The following FARP1 variants were observed in gnomAD, a reference collection of about 807,000 sequenced individuals.
The protein encoded by FARP1 is FERM, ARHGEF and pleckstrin domain-containing protein 1.
Under a neutral mutation model 128.8 loss-of-function variants are expected in FARP1, and 52 were observed. That is an observed-to-expected ratio of 0.40 (90% CI 0.32 to 0.51). FARP1 has a LOEUF of 0.51. Among genes scored for constraint, FARP1 ranks in the 20% least tolerant of loss-of-function variants. The pLI is 0.45. For synonymous variants in FARP1, 580 were observed against 551.8 expected (o/e 1.05, Z -0.72); for missense variants, 1,333 against 1,367.9 (o/e 0.97, Z 0.40).
In FARP1 at chr13:98,309,105, T is replaced by G. The variant is rs193177416; in HGVS notation, c.172-34657T>G. Reference sequence around the variant, plus strand: ...TTAATATGTTAAAGTGATAATATTTTGGACCTATTAGATTACATAAAATAT... The same window carrying G: ...TTAATATGTTAAAGTGATAATATTTGGGACCTATTAGATTACATAAAATAT... On this transcript the variant is annotated intron_variant, in intron 2 of 26. Transcript: ENST00000319562. 7.7e-4 allele frequency among the ~76,000 whole-genome samples: 116 copies of G among 151,314 alleles called. 2 individuals are homozygous for G. Among genetic ancestry groups the G allele is most frequent in the South Asian group, 2.7e-3 (13 of 4,798 alleles).
chr13:98,422,189 T>A (rs1241190361), intron 16 of FARP1, among the ~76,000 whole-genome samples: 2 of 151,236 alleles, frequency 1.3e-5, no homozygotes, highest in African/African-American at 2.4e-5. Context: ...AATGAGGGAG[T>A]CTGGAGAGGA....
At chr13:98,434,574 G>A (rs1892180234) in intron 18 of FARP1, 1 of 152,224 alleles carries the variant, frequency 6.6e-6, no homozygotes, top group Admixed American at 6.5e-5. Context: ...CTCAGCCGCT[G>A]GGGACTTGAG....
At chr13:98,435,235 GA>G (rs1339113764) in intron 18 of FARP1, among the ~76,000 whole-genome samples, 1 of 152,044 alleles carries the variant, frequency 6.6e-6, no homozygotes, top group Non-Finnish European at 1.5e-5. Flanking sequence ...TAACAGGAGG[GA>G]AAAGAAAAGT....
chr13:98,373,611 G>A (rs1889456481), intron 5 of FARP1, among the ~76,000 whole-genome samples: 1 of 151,312 alleles, frequency 6.6e-6, no homozygotes, highest in Non-Finnish European at 1.5e-5. Flanking sequence ...GAGACAGAAG[G>A]GTAGAGCAAG....
At chr13:98,350,139 A>T (rs1251173903) in intron 3 of FARP1, among the ~76,000 whole-genome samples, 1 of 152,092 alleles carries the variant, frequency 6.6e-6, no homozygotes, top group Non-Finnish European at 1.5e-5. Context: ...GCGGGGCAGC[A>T]CCATCTAATG....
chr13:98,286,790 T>C (rs1885191263), intron 2 of FARP1, among the ~76,000 whole-genome samples: 2 of 152,190 alleles, frequency 1.3e-5, no homozygotes, highest in African/African-American at 4.8e-5. Flanking sequence ...CACTTCTTCT[T>C]GTTGTTGTTT....
intron 19 of FARP1, 82 bp from the exon 20 acceptor site, chr13:98,438,722 A>G: frequency 1.8e-6 from 2 of 1,107,320 alleles, no homozygotes; most frequent in South Asian, 1.3e-5. Context: ...CTACAAATTT[A>G]GCCCTCGGGG....
chr13:98,446,721 C>CT lies in FARP1; in HGVS notation c.2961dup (p.Glu988Ter). On this transcript the variant is annotated frameshift_variant, in exon 26 of 27. Coordinates refer to ENST00000319562, the MANE Select transcript of FARP1 (RefSeq NM_005766.4). LOFTEE classifies it high-confidence loss of function. ...CTCGGCTACTCGCTCACCATCCCCTCTGAGTCCGAGAACATCCAGAAAGAC... is the reference window on the plus strand; with the variant it reads ...CTCGGCTACTCGCTCACCATCCCCTCTTGAGTCCGAGAACATCCAGAAAGAC... 3 of 1,614,214 alleles carry CT rather than the reference C, an allele frequency of 1.9e-6. No individual in the cohort carries two copies. Among genetic ancestry groups the CT allele is most frequent in the South Asian group, 1.1e-5 (1 of 91,088 alleles).
rs60259286 is a variant in FARP1 at position 98,450,039 on chromosome 13, ATGAT to A, written c.*1732_*1735del. On this transcript the variant is annotated 3_prime_UTR_variant, in exon 27 of 27. Transcript: ENST00000319562. ...AGTCTCCTCAGCTATTTATTTCTGAATGATTGATTGATTCCAAACTACTTGCTGG... is the reference window on the plus strand; with the variant it reads ...AGTCTCCTCAGCTATTTATTTCTGAATGATTGATTCCAAACTACTTGCTGG... 39,314 of 151,914 alleles carry A rather than the reference ATGAT, an allele frequency of 0.26. 5,182 individuals carry two copies. Among genetic ancestry groups the A allele is most frequent in the Non-Finnish European group, 0.3 (20,134 of 67,864 alleles). The allele number at this position is 151,914 out of a possible 1,614,324, so 9.4% of individuals were successfully genotyped here.
intron 2 of FARP1, among the ~76,000 whole-genome samples, chr13:98,254,146 G>A (rs1369943466): frequency 2.6e-5 from 4 of 152,158 alleles, no homozygotes; most frequent in African/African-American, 9.7e-5. Flanking sequence ...TAGTGTGTGG[G>A]TGTCCCTGAA....
intron 2 of FARP1, among the ~76,000 whole-genome samples, chr13:98,302,464 G>C (rs1388911234): frequency 6.6e-6 from 1 of 152,054 alleles, no homozygotes; most frequent in East Asian, 1.9e-4. Context: ...TCCCTGTCCG[G>C]GGCAGATCAG....
chr13:98,303,943 A>C (rs1886025297), intron 2 of FARP1, among the ~76,000 whole-genome samples: 1 of 152,214 alleles, frequency 6.6e-6, no homozygotes, highest in Admixed American at 6.5e-5. Flanking sequence ...TCCATTCATC[A>C]GAGTTCACTC....
intron 19 of FARP1, among the ~76,000 whole-genome samples, chr13:98,438,155 A>G (rs190909340): frequency 1.1e-4 from 17 of 152,160 alleles, no homozygotes; most frequent in Middle Eastern, 3.4e-3. Flanking sequence ...TGCCCTCAAG[A>G]GTGTACAGCC....
intron 20 of FARP1, 69 bp from the exon 21 acceptor site, chr13:98,439,038 C>G (rs894878440): frequency 7.0e-7 from 1 of 1,427,898 alleles, no homozygotes; most frequent in Non-Finnish European, 9.8e-7. Context: ...CAGTTGAGGA[C>G]AGGGAATGCT....
intron 1 of FARP1, among the ~76,000 whole-genome samples, chr13:98,153,330 A>ATAAAATACATAAATAATATATATT (rs71120310): frequency 7.7e-6 from 1 of 130,218 alleles, no homozygotes; most frequent in Admixed American, 9.4e-5. Flanking sequence ...TAAATAATAT[A>ATAAAATACATAAATAATATATATT]ATATATAAAA....
intron 17 of FARP1, 59 bp from the exon 18 acceptor site, chr13:98,430,984 A>G (rs1594527901): frequency 9.2e-7 from 1 of 1,084,726 alleles, no homozygotes; most frequent in East Asian, 2.4e-5. Flanking sequence ...GAAACTGGGC[A>G]GAACACAGGT....
At chr13:98,341,535 G>A (rs1887974995) in intron 2 of FARP1, among the ~76,000 whole-genome samples, 1 of 152,176 alleles carries the variant, frequency 6.6e-6, no homozygotes, top group African/African-American at 2.4e-5. Context: ...GGGAAGCTGA[G>A]GCAGGAGAAT....
At position 98,213,378 on chromosome 13, in the gene FARP1, A is replaced by T; in HGVS notation, c.136A>T (p.Met46Leu). Reference sequence around the variant, plus strand: ...AAAACTCGTGTCCATCAAAATCCAGATGCTGGATGACACCCAGGAGGCATT... The same window carrying T: ...AAAACTCGTGTCCATCAAAATCCAGTTGCTGGATGACACCCAGGAGGCATT... ...SGKLVSIKIQMLDDTQEAFEV... is the reference protein window; with the variant it reads ...SGKLVSIKIQLLDDTQEAFEV... The change falls in exon 2 of 27, where the codon ATG becomes TTG. Residue 46 changes from methionine (M) to leucine (L), a missense_variant. This residue lies in a region of FARP1 where 324 missense variants were observed against 398.1 expected (regional missense o/e 0.81). Coordinates refer to ENST00000319562, the MANE Select transcript of FARP1 (RefSeq NM_005766.4). 1 of 1,614,020 alleles carries T rather than the reference A, an allele frequency of 6.2e-7. No individual in the cohort carries two copies.
chr13:98,293,375 C>T (rs1885531076), intron 2 of FARP1, among the ~76,000 whole-genome samples: 1 of 152,118 alleles, frequency 6.6e-6, no homozygotes, highest in African/African-American at 2.4e-5. Flanking sequence ...CCAGATGACC[C>T]AGCAGGCTCA....
Sources: allele counts gnomAD v4.1 joint callset (sites outside exome capture counted in the v4.1 genomes callset), GRCh38; gene constraint gnomAD v4.1.1; regional missense constraint gnomAD v4.1.1; transcripts MANE v1.5; gene names NCBI Gene and HGNC (gene_info 2026-07-23, HGNC 2026-07-21).